The following TMCC3 variants were observed in gnomAD, a reference collection of about 807,000 sequenced individuals.
The protein encoded by TMCC3 is transmembrane and coiled-coil domain protein 3.
Under a neutral mutation model 40.2 loss-of-function variants are expected in TMCC3, and 28 were observed. That is an observed-to-expected ratio of 0.70 (90% CI 0.52 to 0.95). The LOEUF (loss-of-function observed/expected upper bound fraction) is 0.95, where lower values mean the gene tolerates loss of function less well. TMCC3 is among the 40% of genes least tolerant of loss of function. The pLI is 0.00. For synonymous variants in TMCC3, 255 were observed against 248.5 expected, an observed-to-expected ratio of 1.03 and a Z score of -0.25; for missense variants, 554 against 615.2, an observed-to-expected ratio of 0.90 and a Z score of 1.05.
intron 1 of TMCC3, among the ~76,000 whole-genome samples, chr12:94,596,348 C>G (rs1457045852): frequency 6.6e-6 from 1 of 152,158 alleles, no homozygotes; most frequent in Non-Finnish European, 1.5e-5. Context: ...TAGTTTTTAA[C>G]CTTCATCTTA....
At position 94,630,586 on chromosome 12, in the gene TMCC3, C is replaced by T. The variant is rs373573318; in HGVS notation, c.78+19767G>A. ...GGCACTGCATGAGAGCTGTTTTAAC[C>T]CAGGTGGAGCCTTGTCATAGTGCTG... On this transcript the variant is annotated intron_variant, in intron 1 of 3. Transcript: ENST00000261226. Among the ~76,000 whole-genome samples, 10 of 152,266 alleles carry T rather than the reference C, an allele frequency of 6.6e-5. 1 individual carries two copies. Among genetic ancestry groups the T allele is most frequent in the Admixed American group, 3.3e-4 (5 of 15,286 alleles).
chr12:94,597,744 T>C (rs1187400040), intron 1 of TMCC3, among the ~76,000 whole-genome samples: 1 of 150,926 alleles, frequency 6.6e-6, no homozygotes, highest in Non-Finnish European at 1.5e-5. Flanking sequence ...GAGGCGGAGG[T>C]TGCAGTGAGC....
At chr12:94,611,323 A>G (rs968943277) in intron 1 of TMCC3, among the ~76,000 whole-genome samples, 2 of 152,194 alleles carry the variant, frequency 1.3e-5, no homozygotes, top group Non-Finnish European at 2.9e-5. Flanking sequence ...GTTTTCAAGT[A>G]AAAGTCCCAT....
At chr12:94,618,902 G>A (rs2138866475) in intron 1 of TMCC3, among the ~76,000 whole-genome samples, 1 of 152,228 alleles carries the variant, frequency 6.6e-6, no homozygotes, top group South Asian at 2.1e-4. Context: ...GTGTCTACAA[G>A]ATGCTCTCCT....
At chr12:94,631,998 G>A (rs2068936188) in intron 1 of TMCC3, among the ~76,000 whole-genome samples, 2 of 152,310 alleles carry the variant, frequency 1.3e-5, no homozygotes, top group South Asian at 4.1e-4. Flanking sequence ...CCTGTTACAT[G>A]CAACAACATG....
Position 94,572,169 on chromosome 12 carries a change from T to C in TMCC3, c.1132-432A>G, listed in dbSNP as rs547848463. On this transcript the variant is annotated intron_variant, in intron 3 of 3. Transcript: ENST00000261226. ...TGCGCACCACCATGTCTGGCTAATTTTTGTATTTTTAGTAGAGATGGGGTT... is the reference window on the plus strand; with the variant it reads ...TGCGCACCACCATGTCTGGCTAATTCTTGTATTTTTAGTAGAGATGGGGTT... 2.0e-5 allele frequency among the ~76,000 whole-genome samples: 3 copies of C among 151,544 alleles called. No homozygotes were observed. In the South Asian group the frequency reaches 6.3e-4, roughly 32 times the overall value.
rs576645565 is a variant in TMCC3, at chr12:94,572,530, C to T, written c.1132-793G>A. Among the ~76,000 whole-genome samples, 6 of 151,980 alleles carry T rather than the reference C, an allele frequency of 3.9e-5. No homozygotes were observed. In the East Asian group the frequency reaches 1.2e-3, roughly 29 times the overall value. On this transcript the variant is annotated intron_variant, in intron 3 of 3. Coordinates refer to ENST00000261226, the MANE Select transcript of TMCC3 (RefSeq NM_020698.4). ...TTTACCATGTTGGCCAGGCTGGTCT[C>T]AAACTCCTGACCTCAAGTGATCTGC...
chr12:94,586,753 T>C (rs1284573175), intron 1 of TMCC3, among the ~76,000 whole-genome samples: 1 of 152,256 alleles, frequency 6.6e-6, no homozygotes, highest in Non-Finnish European at 1.5e-5. Context: ...CAGGACAGCC[T>C]TGTATGCACA....
chr12:94,610,629 G>A (rs1012168228), intron 1 of TMCC3, among the ~76,000 whole-genome samples: 1 of 152,046 alleles, frequency 6.6e-6, no homozygotes, highest in Non-Finnish European at 1.5e-5. Flanking sequence ...TCCATCAATA[G>A]AGAACCTCTT....
intron 1 of TMCC3, among the ~76,000 whole-genome samples, chr12:94,613,668 A>T (rs1594288135): frequency 6.6e-6 from 1 of 152,158 alleles, no homozygotes; most frequent in Non-Finnish European, 1.5e-5. Context: ...TGATGTAGGG[A>T]TGCTCAATCA....
intron 1 of TMCC3, among the ~76,000 whole-genome samples, chr12:94,630,443 T>A (rs1325859644): frequency 6.6e-6 from 1 of 152,154 alleles, no homozygotes; most frequent in East Asian, 1.9e-4. Flanking sequence ...AACGCAGAGC[T>A]ACCTGGGTTC....
chr12:94,571,151 T>G lies in TMCC3; in HGVS notation c.*284A>C, dbSNP rs1273230964. Reference sequence around the variant, plus strand: ...CACCAATTATGCCAAGGTCTCAATATACAGAGGTTTACCACGCTGGGCTGG... The same window carrying G: ...CACCAATTATGCCAAGGTCTCAATAGACAGAGGTTTACCACGCTGGGCTGG... On this transcript the variant is annotated 3_prime_UTR_variant, in exon 4 of 4. Transcript: ENST00000261226. 1 of 413,420 alleles carries G rather than the reference T, an allele frequency of 2.4e-6. No homozygotes were observed. Among genetic ancestry groups the G allele is most frequent in the African/African-American group, 2.0e-5 (1 of 50,284 alleles). The allele number at this position is 413,420 out of a possible 1,614,324, so 25.6% of individuals were successfully genotyped here.
At chr12:94,593,293 G>A (rs1828590775) in intron 1 of TMCC3, among the ~76,000 whole-genome samples, 1 of 150,214 alleles carries the variant, frequency 6.7e-6, no homozygotes, top group African/African-American at 2.5e-5. Context: ...CTTGGACCCT[G>A]GAGGCAGAGG....
chr12:94,583,363 G>A (rs2068618988), intron 1 of TMCC3, among the ~76,000 whole-genome samples: 1 of 152,020 alleles, frequency 6.6e-6, no homozygotes, highest in Non-Finnish European at 1.5e-5. Context: ...AATTAGTTGG[G>A]CATGGTGGTG....
At chr12:94,603,580 G>A (rs7309909) in intron 1 of TMCC3, among the ~76,000 whole-genome samples, 77,242 of 152,056 alleles carry the variant, frequency 0.51, 20,469 homozygotes, top group Middle Eastern at 0.63. Flanking sequence ...TATGATTAGC[G>A]TGCTGCGGAG....
intron 1 of TMCC3, among the ~76,000 whole-genome samples, chr12:94,592,682 A>AAAAAAAAAAAAAC: frequency 6.7e-6 from 1 of 148,592 alleles, no homozygotes. Flanking sequence ...AAAAAAAAAA[A>AAAAAAAAAAAAAC]ATTCTATTTC....
intron 1 of TMCC3, among the ~76,000 whole-genome samples, chr12:94,619,361 C>G (rs891882538): frequency 6.6e-6 from 1 of 152,180 alleles, no homozygotes; most frequent in Non-Finnish European, 1.5e-5. Flanking sequence ...AACCTATGAC[C>G]CAAAGCACTC....
At chr12:94,588,807 T>G (rs1192259626) in intron 1 of TMCC3, among the ~76,000 whole-genome samples, 1 of 148,606 alleles carries the variant, frequency 6.7e-6, no homozygotes, top group Non-Finnish European at 1.5e-5. Flanking sequence ...TTCGTAAACT[T>G]TCTTAAATCG....
intron 1 of TMCC3, among the ~76,000 whole-genome samples, chr12:94,609,045 T>C (rs951866515): frequency 3.9e-5 from 6 of 151,940 alleles, no homozygotes; most frequent in Non-Finnish European, 8.8e-5. Flanking sequence ...AGACGACCCC[T>C]GATGCCCTCC....
Sources: allele counts gnomAD v4.1 joint callset (sites outside exome capture counted in the v4.1 genomes callset), GRCh38; gene constraint gnomAD v4.1.1; transcripts MANE v1.5; gene names NCBI Gene and HGNC (gene_info 2026-07-23, HGNC 2026-07-21).